The following ATXN7L1 variants were observed in gnomAD, a reference collection of about 807,000 sequenced individuals.
ATXN7L1 encodes ataxin-7-like protein 1.
In ATXN7L1, 15 loss-of-function variants were observed where a neutral mutation model predicts 70.8. The observed-to-expected ratio is 0.21, with a 90% confidence interval of 0.14 to 0.33. The LOEUF is 0.33. ATXN7L1 is among the 10% of genes least tolerant of loss of function. The pLI, the probability that ATXN7L1 is intolerant of heterozygous loss-of-function variation, is 1.00. For synonymous variants in ATXN7L1, 440 were observed against 445.1 expected, an observed-to-expected ratio of 0.99 and a Z score of 0.14; for missense variants, 975 against 1,097.1, an observed-to-expected ratio of 0.89 and a Z score of 1.57.
At chr7:105,874,091 C>T (rs1818670953) in intron 2 of ATXN7L1, among the ~76,000 whole-genome samples, 1 of 145,932 alleles carries the variant, frequency 6.9e-6, no homozygotes, top group African/African-American at 2.6e-5. Context: ...TACCACTGTA[C>T]TCCAGCCTGG....
chr7:105,681,252 C>T (rs911843395), intron 3 of ATXN7L1, among the ~76,000 whole-genome samples: 1 of 152,108 alleles, frequency 6.6e-6, no homozygotes, highest in African/African-American at 2.4e-5. Flanking sequence ...TGTTGAAACC[C>T]CATCTCTACT....
At chr7:105,629,290 A>G (rs896074282) in intron 7 of ATXN7L1, among the ~76,000 whole-genome samples, 3 of 151,984 alleles carry the variant, frequency 2.0e-5, no homozygotes, top group African/African-American at 7.3e-5. Flanking sequence ...CTTAGCCTCA[A>G]ACAACTGGCA....
rs181413781 is a variant in ATXN7L1, at chr7:105,689,942, G to A, written c.356-24654C>T. Among the ~76,000 whole-genome samples the A allele has an allele frequency of 2.9e-3, 448 of 152,288 alleles. 2 individuals carry two copies. The highest frequency in any genetic ancestry group is 0.01 in the African/African-American group (428 of 41,570). ...AGAAAGCACAGGACAGACTCTAAAC[G>A]TCAAAGGCCTAAAGCAAGGAAGCCT... On this transcript the variant is annotated intron_variant, in intron 3 of 11. Coordinates refer to ENST00000419735, the MANE Select transcript of ATXN7L1 (RefSeq NM_020725.2).
intron 2 of ATXN7L1, among the ~76,000 whole-genome samples, chr7:105,838,241 T>C (rs1812688648): frequency 6.6e-6 from 1 of 152,180 alleles, no homozygotes; most frequent in Admixed American, 6.5e-5. Flanking sequence ...TGTCGTTCTT[T>C]CTTTTTTTGG....
At chr7:105,648,577 A>G (rs1032575975) in intron 4 of ATXN7L1, among the ~76,000 whole-genome samples, 2 of 152,234 alleles carry the variant, frequency 1.3e-5, no homozygotes, top group African/African-American at 4.8e-5. Context: ...TTCAGCTGAC[A>G]TAAGAGCCTA....
At chr7:105,791,939 C>T (rs78257776) in intron 2 of ATXN7L1, among the ~76,000 whole-genome samples, 233 of 152,260 alleles carry the variant, frequency 1.5e-3, no homozygotes, top group African/African-American at 5.3e-3. Context: ...CAGAAACTGC[C>T]GAGTGCTGGG....
intron 2 of ATXN7L1, among the ~76,000 whole-genome samples, chr7:105,849,026 T>C (rs954596770): frequency 3.9e-5 from 6 of 152,218 alleles, no homozygotes; most frequent in African/African-American, 1.4e-4. Context: ...GCAAGTCCCA[T>C]GACCTAAGGC....
chr7:105,678,677 G>A (rs1475021564), intron 3 of ATXN7L1, among the ~76,000 whole-genome samples: 1 of 152,186 alleles, frequency 6.6e-6, no homozygotes, highest in Non-Finnish European at 1.5e-5. Flanking sequence ...GGGCGTTGGG[G>A]TTGACACGCC....
intron 3 of ATXN7L1, among the ~76,000 whole-genome samples, chr7:105,784,229 G>A (rs1157376843): frequency 2.0e-5 from 3 of 152,138 alleles, no homozygotes; most frequent in African/African-American, 7.2e-5. Context: ...CTCCCAAAAT[G>A]TTGGGATTAT....
intron 3 of ATXN7L1, among the ~76,000 whole-genome samples, chr7:105,729,809 C>T (rs1042019150): frequency 6.6e-6 from 1 of 151,030 alleles, no homozygotes; most frequent in South Asian, 2.1e-4. Context: ...GCGATCTCTG[C>T]TCACTGCAAG....
At chr7:105,860,406 G>C (rs77170687) in intron 2 of ATXN7L1, among the ~76,000 whole-genome samples, 2,482 of 152,116 alleles carry the variant, frequency 0.016, 40 homozygotes, top group East Asian at 0.065. Flanking sequence ...TGCTGACCTA[G>C]GATGCTGGAG....
At chr7:105,748,291 G>A (rs1365535652) in intron 3 of ATXN7L1, among the ~76,000 whole-genome samples, 1 of 152,214 alleles carries the variant, frequency 6.6e-6, no homozygotes, top group African/African-American at 2.4e-5. Context: ...ACAAAGGGCA[G>A]CGGTGGGATG....
intron 3 of ATXN7L1, among the ~76,000 whole-genome samples, chr7:105,754,401 C>CT (rs778417692): frequency 0.013 from 1,865 of 145,858 alleles, 17 homozygotes; most frequent in Non-Finnish European, 0.019. Flanking sequence ...TTCTTTCTTT[C>CT]TTTTTTTTTT....
chr7:105,869,164 A>G (rs978176359), intron 2 of ATXN7L1, among the ~76,000 whole-genome samples: 2 of 152,102 alleles, frequency 1.3e-5, no homozygotes, highest in African/African-American at 4.8e-5. Flanking sequence ...ACCACCTTTA[A>G]GCCGCTCCAT....
At chr7:105,639,420 G>A (rs1797859108) in intron 6 of ATXN7L1, 67 bp downstream of exon 6, 1 of 1,240,906 alleles carries the variant, frequency 8.1e-7, no homozygotes, top group Non-Finnish European at 1.2e-6. Context: ...TGCAGAGAGT[G>A]GCATGCAAAC....
chr7:105,801,502 C>T (rs751373976), intron 2 of ATXN7L1, among the ~76,000 whole-genome samples: 7 of 152,188 alleles, frequency 4.6e-5, no homozygotes, highest in Non-Finnish European at 1.0e-4. Flanking sequence ...ATGATCACTA[C>T]TAAAGTGGAG....
chr7:105,853,292 TAATCCC>T (rs1815165230), intron 2 of ATXN7L1, among the ~76,000 whole-genome samples: 1 of 152,252 alleles, frequency 6.6e-6, no homozygotes, highest in South Asian at 2.1e-4. Context: ...CTCACGCCTG[TAATCCC>T]AGCACTCTGG....
rs527300349 is a variant in ATXN7L1 at position 105,698,394 on chromosome 7, T to G, written c.356-33106A>C. ...AAAATAAATTTTTTGAGACAGGGTCTTGCTCTGTCACCCAGGCTAGAGTGC... is the reference window on the plus strand; with the variant it reads ...AAAATAAATTTTTTGAGACAGGGTCGTGCTCTGTCACCCAGGCTAGAGTGC... On this transcript the variant is annotated intron_variant, in intron 3 of 11. Coordinates refer to ENST00000419735, the MANE Select transcript of ATXN7L1 (RefSeq NM_020725.2). 9.8e-5 allele frequency among the ~76,000 whole-genome samples: 15 copies of G among 152,336 alleles called. No homozygotes were observed. In the South Asian group the frequency reaches 1.7e-3, roughly 17 times the overall value.
rs118181574 is a variant in ATXN7L1, at chr7:105,714,130, A to G, written c.356-48842T>C. ...TGCTCTTTAAATCCTTATTTTCAAG[A>G]TGAGTAAGCAAGCCTAGAGAGGCTA... is the stretch of plus-strand genomic sequence containing the variant. On this transcript the variant is annotated intron_variant, in intron 3 of 11. Coordinates refer to ENST00000419735, the MANE Select transcript of ATXN7L1 (RefSeq NM_020725.2). 2.0e-4 allele frequency among the ~76,000 whole-genome samples: 30 copies of G among 152,368 alleles called. 1 individual carries two copies. In the East Asian group the frequency reaches 5.6e-3, roughly 28 times the overall value.
Sources: gnomAD v4.1 joint callset for allele counts (sites outside exome capture counted in the v4.1 genomes callset) on GRCh38, gnomAD v4.1.1 for gene constraint, MANE v1.5 for transcripts, NCBI Gene and HGNC (gene_info 2026-07-23, HGNC 2026-07-21) for gene names.